Variants in DCLK1 observed in about 807,000 individuals in gnomAD.
The protein encoded by DCLK1 is serine/threonine-protein kinase DCLK1.
In DCLK1, 16 loss-of-function variants were observed where a neutral mutation model predicts 86.2. That is an observed-to-expected ratio of 0.19 (90% confidence interval 0.13 to 0.28). The LOEUF is 0.28. Among genes scored for constraint, DCLK1 ranks in the 10% least tolerant of loss-of-function variants. The pLI, the probability that DCLK1 is intolerant of heterozygous loss-of-function variation, is 1.00. For missense variants in DCLK1, 590 were observed against 940.2 expected (o/e 0.63, Z 4.87); for synonymous variants, 369 against 370.5 (o/e 1.00, Z 0.05).
chr13:36,073,518 C>T (rs980221381), intron 3 of DCLK1, among the ~76,000 whole-genome samples: 1 of 152,028 alleles, frequency 6.6e-6, no homozygotes, highest in African/African-American at 2.4e-5. Context: ...AAAAAAACTA[C>T]CTCTAAAAGC....
chr13:35,912,670 A>C, intron 4 of DCLK1, among the ~76,000 whole-genome samples: 1 of 152,112 alleles, frequency 6.6e-6, no homozygotes, highest in East Asian at 1.9e-4. Flanking sequence ...CCATCCTTCA[A>C]GTATCTGTGT....
At chr13:36,125,740 G>A (rs910326035) in intron 2 of DCLK1, 22 bp downstream of exon 2, 1 of 1,600,540 alleles carries the variant, frequency 6.2e-7, no homozygotes, top group Non-Finnish European at 8.5e-7. Context: ...GGGTCACGTG[G>A]GGGTTATCTC....
chr13:36,092,443 C>T (rs186459990), intron 3 of DCLK1, among the ~76,000 whole-genome samples: 2 of 151,672 alleles, frequency 1.3e-5, no homozygotes, highest in Non-Finnish European at 2.9e-5. Flanking sequence ...TACTGTCTAC[C>T]CTGCTGCCCA....
intron 11 of DCLK1, among the ~76,000 whole-genome samples, chr13:35,813,753 T>G (rs2087204037): frequency 6.6e-6 from 1 of 150,782 alleles, no homozygotes; most frequent in South Asian, 2.1e-4. Context: ...TTTTTTTGCT[T>G]TAAAAACCAC....
At chr13:35,910,154 C>A (rs775654505) in intron 4 of DCLK1, among the ~76,000 whole-genome samples, 2 of 152,164 alleles carry the variant, frequency 1.3e-5, no homozygotes, top group Non-Finnish European at 1.5e-5. Flanking sequence ...AGGATCACTA[C>A]CTGCAACTCC....
At chr13:36,119,117 T>C (rs926122417) in intron 2 of DCLK1, among the ~76,000 whole-genome samples, 13 of 152,140 alleles carry the variant, frequency 8.5e-5, no homozygotes, top group Non-Finnish European at 1.5e-4. Context: ...GAATGAATTC[T>C]GGAAAATGGA....
At chr13:35,788,569 A>G (rs542454181) in intron 16 of DCLK1, among the ~76,000 whole-genome samples, 1 of 152,322 alleles carries the variant, frequency 6.6e-6, no homozygotes, top group Admixed American at 6.5e-5. Context: ...AAAGATATAA[A>G]CACCTCTTCA....
chr13:35,931,335 A>C (rs1876419565), intron 4 of DCLK1, among the ~76,000 whole-genome samples: 1 of 152,204 alleles, frequency 6.6e-6, no homozygotes, highest in Admixed American at 6.5e-5. Context: ...ATAAGATGCT[A>C]TCTGGCATGA....
At chr13:35,801,324 G>A (rs1472352765) in intron 15 of DCLK1, among the ~76,000 whole-genome samples, 1 of 152,074 alleles carries the variant, frequency 6.6e-6, no homozygotes, top group Non-Finnish European at 1.5e-5. Context: ...TGCTGATTGT[G>A]AAAGCTTACT....
intron 4 of DCLK1, among the ~76,000 whole-genome samples, chr13:35,878,154 C>T (rs1275549141): frequency 6.6e-6 from 1 of 152,232 alleles, no homozygotes; most frequent in Non-Finnish European, 1.5e-5. Context: ...AGTCTCCATC[C>T]TCAGTCTCCA....
chr13:35,870,927 A>G (rs1047250819), intron 5 of DCLK1, among the ~76,000 whole-genome samples: 1 of 152,244 alleles, frequency 6.6e-6, no homozygotes, highest in African/African-American at 2.4e-5. Context: ...AGACTTCCAG[A>G]ATCTGAAAGA....
chr13:35,807,702 A>C (rs1402918275), intron 14 of DCLK1, among the ~76,000 whole-genome samples: 1 of 152,242 alleles, frequency 6.6e-6, no homozygotes, highest in East Asian at 1.9e-4. Context: ...ATTTATATCT[A>C]TCTTTTTTTG....
At chr13:35,783,588 C>T (rs536906407) in intron 16 of DCLK1, among the ~76,000 whole-genome samples, 1 of 152,186 alleles carries the variant, frequency 6.6e-6, no homozygotes, top group South Asian at 2.1e-4. Context: ...ATCTCAATCT[C>T]CATGACTTTT....
rs142413158 is a variant in DCLK1 at position 35,917,705 on chromosome 13, C to T, written c.823+29653G>A. Among the ~76,000 whole-genome samples the T allele has an allele frequency of 5.3e-3, 810 of 152,258 alleles. 7 individuals are homozygous for T. The highest frequency in any genetic ancestry group is 8.8e-3 in the Non-Finnish European group (599 of 68,012). On this transcript the variant is annotated intron_variant, in intron 4 of 16. Coordinates refer to ENST00000360631, the MANE Select transcript of DCLK1 (RefSeq NM_001330071.2). ...ACTGAATTCGAAACCCAGCTGCATG[C>T]CCCCCACCTACCATGCCTCAAGTAC... is the stretch of plus-strand genomic sequence containing the variant.
chr13:35,793,467 G>A lies in DCLK1; in HGVS notation c.1957C>T (p.Pro653Ser), dbSNP rs146043148. The A allele has an allele frequency of 1.2e-6, 2 of 1,601,974 alleles. No individual in the cohort carries two copies. Among genetic ancestry groups the A allele is most frequent in the Non-Finnish European group, 1.7e-6 (2 of 1,174,160 alleles). Residue 653 changes from proline (P) to serine (S), a missense_variant, in exon 16 of 17, where the codon CCA (proline) becomes TCA (serine). By Grantham distance (74) the Pro-to-Ser change is moderately conservative (BLOSUM62 -1). Transcript: ENST00000360631. ...ACTGACAGCTGATGTTCATTTTCTG[G>A]GAGGCCATCATCCTGGAGAAAAAGA... ...EHPWVNDDGL[P>S]ENEHQLSVAG...
chr13:35,822,632 A>C, intron 11 of DCLK1, 97 bp downstream of exon 11: 6 of 1,539,482 alleles, frequency 3.9e-6, no homozygotes, highest in Non-Finnish European at 5.3e-6. Flanking sequence ...CCTTTCAGGT[A>C]AATTTTTAAA....
intron 2 of DCLK1, among the ~76,000 whole-genome samples, chr13:36,121,448 C>T (rs1885989334): frequency 1.3e-5 from 2 of 152,200 alleles, no homozygotes; most frequent in South Asian, 2.1e-4. Context: ...CGCCATCTTG[C>T]TTCTTCCATC....
chr13:36,030,668 T>C (rs561804718), intron 3 of DCLK1, among the ~76,000 whole-genome samples: 1 of 152,238 alleles, frequency 6.6e-6, no homozygotes, highest in South Asian at 2.1e-4. Context: ...GTATCTTCAT[T>C]ATTCAAATTT....
At chr13:35,953,000 T>C (rs976098067) in intron 3 of DCLK1, among the ~76,000 whole-genome samples, 1 of 152,204 alleles carries the variant, frequency 6.6e-6, no homozygotes, top group Non-Finnish European at 1.5e-5. Context: ...TGCTTATCAG[T>C]TACTGCATTG....
Sources: allele counts gnomAD v4.1 joint callset (sites outside exome capture counted in the v4.1 genomes callset), GRCh38; gene constraint gnomAD v4.1.1; transcripts MANE v1.5; gene names NCBI Gene and HGNC (gene_info 2026-07-23, HGNC 2026-07-21).